ZBTB20: variants seen among roughly 807,000 people sequenced by gnomAD.
The protein encoded by ZBTB20 is zinc finger and BTB domain containing 20, also known as zinc finger and BTB domain-containing protein 20.
ZBTB20 carries 9 observed loss-of-function variants against 56.9 expected under a neutral mutation model. The observed-to-expected ratio is 0.16, with a 90% CI of 0.10 to 0.28. The LOEUF (loss-of-function observed/expected upper bound fraction) is 0.28. Among genes scored for constraint, ZBTB20 ranks in the 10% least tolerant of loss-of-function variants. ZBTB20 has a pLI of 1.00. For missense variants in ZBTB20, 655 were observed against 1,003.0 expected, an observed-to-expected ratio of 0.65 and a Z score of 4.69; for synonymous variants, 417 against 420.7, an observed-to-expected ratio of 0.99 and a Z score of 0.11.
intron 5 of ZBTB20, among the ~76,000 whole-genome samples, chr3:114,718,493 A>G (rs2064670156): frequency 6.6e-6 from 1 of 152,116 alleles, no homozygotes; most frequent in African/African-American, 2.4e-5. Flanking sequence ...GTACCTGAAC[A>G]CAGGGATTGC....
intron 6 of ZBTB20, among the ~76,000 whole-genome samples, chr3:114,531,639 G>A (rs1281541548): frequency 2.0e-5 from 3 of 152,158 alleles, no homozygotes; most frequent in African/African-American, 7.2e-5. Context: ...AGTTTTGCTT[G>A]CTGCTGGTCC....
chr3:114,590,940 T>C (rs2055698445), intron 6 of ZBTB20, among the ~76,000 whole-genome samples: 1 of 152,222 alleles, frequency 6.6e-6, no homozygotes, highest in African/African-American at 2.4e-5. Context: ...ATTAATAACC[T>C]ATCTCATTAT....
At chr3:114,498,677 G>C (rs530457849) in intron 7 of ZBTB20, among the ~76,000 whole-genome samples, 2 of 152,272 alleles carry the variant, frequency 1.3e-5, no homozygotes, top group African/African-American at 4.8e-5. Flanking sequence ...GCTCATTATA[G>C]GTCACTCCCC....
At chr3:114,795,161 C>G (rs1160787406) in intron 5 of ZBTB20, among the ~76,000 whole-genome samples, 1 of 152,034 alleles carries the variant, frequency 6.6e-6, no homozygotes, top group Non-Finnish European at 1.5e-5. Flanking sequence ...AATTATAAGA[C>G]CTCTATTTCA....
In ZBTB20 at chr3:114,315,161, G is replaced by A. The variant is rs1461337245; in HGVS notation, c.*23844C>T. The stretch of plus-strand genomic sequence containing the variant: ...TGTATATGTTGATGGATGGATGTGT[G>A]TTTTTGTGGATATATGGATTTATAC... On this transcript the variant is annotated 3_prime_UTR_variant, in exon 12 of 12. Coordinates refer to ENST00000675478, the MANE Select transcript of ZBTB20 (RefSeq NM_001348800.3). 2 of 152,176 alleles carry A rather than the reference G, an allele frequency of 1.3e-5. No individual in the cohort carries two copies. Among genetic ancestry groups the A allele is most frequent in the African/African-American group, 4.8e-5 (2 of 41,430 alleles). The allele number at this position is 152,176 out of a possible 1,614,324, so 9.4% of individuals were successfully genotyped here. A position where few individuals can be genotyped will look rare whatever the true frequency, so the allele number is the denominator to read the frequency against.
intron 6 of ZBTB20, among the ~76,000 whole-genome samples, chr3:114,507,747 T>A (rs2044805716): frequency 1.3e-5 from 2 of 152,280 alleles, no homozygotes; most frequent in East Asian, 3.9e-4. Context: ...TAACTCTGTA[T>A]GATTCTATAA....
At chr3:114,549,497 A>G (rs976419477) in intron 6 of ZBTB20, among the ~76,000 whole-genome samples, 1 of 152,092 alleles carries the variant, frequency 6.6e-6, no homozygotes, top group Non-Finnish European at 1.5e-5. Context: ...GTGACTCCTC[A>G]TATCTTGAAT....
At chr3:114,911,474 A>G (rs185740691) in intron 3 of ZBTB20, among the ~76,000 whole-genome samples, 1 of 152,156 alleles carries the variant, frequency 6.6e-6, no homozygotes, top group East Asian at 1.9e-4. Context: ...ATGATTTTCA[A>G]TAAGTCCAAT....
At chr3:114,891,578 T>G (rs2076807440) in intron 4 of ZBTB20, among the ~76,000 whole-genome samples, 1 of 152,212 alleles carries the variant, frequency 6.6e-6, no homozygotes, top group Non-Finnish European at 1.5e-5. Context: ...GAACCCATTT[T>G]AGAAAAACTT....
chr3:114,810,419 G>C (rs1426346684), intron 4 of ZBTB20, among the ~76,000 whole-genome samples: 1 of 152,102 alleles, frequency 6.6e-6, no homozygotes, highest in East Asian at 1.9e-4. Context: ...ACACCTAAGG[G>C]CATGGGGTTT....
intron 5 of ZBTB20, among the ~76,000 whole-genome samples, chr3:114,792,831 A>G (rs1209961704): frequency 6.6e-6 from 1 of 150,878 alleles, no homozygotes; most frequent in African/African-American, 2.4e-5. Flanking sequence ...AGTGCTAGCA[A>G]TTCATAAGTA....
chr3:114,771,916 A>T (rs530908161), intron 5 of ZBTB20, among the ~76,000 whole-genome samples: 1 of 152,276 alleles, frequency 6.6e-6, no homozygotes, highest in South Asian at 2.1e-4. Flanking sequence ...AGCCCATATT[A>T]CCAACCTATG....
At chr3:114,419,554 G>A (rs988687302) in intron 7 of ZBTB20, among the ~76,000 whole-genome samples, 2 of 152,012 alleles carry the variant, frequency 1.3e-5, no homozygotes, top group African/African-American at 4.8e-5. Flanking sequence ...AGAAAGATAG[G>A]GACCTGTACA....
At chr3:114,629,296 C>A (rs2058809273) in intron 6 of ZBTB20, among the ~76,000 whole-genome samples, 1 of 152,136 alleles carries the variant, frequency 6.6e-6, no homozygotes, top group African/African-American at 2.4e-5. Context: ...ATATAAAGTG[C>A]TGAGGATTTT....
intron 1 of ZBTB20, among the ~76,000 whole-genome samples, chr3:115,099,459 C>G (rs2083497390): frequency 6.6e-6 from 1 of 152,048 alleles, no homozygotes; most frequent in Non-Finnish European, 1.5e-5. Flanking sequence ...AGCCCATCTG[C>G]AAAATAAAAG....
At chr3:114,378,821 A>T (rs1345404615) in intron 10 of ZBTB20, 1 of 152,282 alleles carries the variant, frequency 6.6e-6, no homozygotes, top group Non-Finnish European at 1.5e-5. Context: ...CCAGGCAAGA[A>T]GGTCCAAGGA....
At position 114,634,743 on chromosome 3, in the gene ZBTB20, A is replaced by G. The variant is rs573710708; in HGVS notation, c.-295+58785T>C. 3.9e-5 allele frequency among the ~76,000 whole-genome samples: 6 copies of G among 152,310 alleles called. No homozygotes were observed. In the South Asian group the frequency reaches 1.2e-3, roughly 32 times the overall value. On this transcript the variant is annotated intron_variant, in intron 6 of 11. Transcript: ENST00000675478. Reference sequence around the variant, plus strand: ...ACTTCCCCCAGACTGGCTTAGCTCAACACTGAGAGGACTGCTTCAGCTCAT... The same window carrying G: ...ACTTCCCCCAGACTGGCTTAGCTCAGCACTGAGAGGACTGCTTCAGCTCAT...
intron 1 of ZBTB20, among the ~76,000 whole-genome samples, chr3:115,139,367 T>C (rs114373863): frequency 0.014 from 2,173 of 152,160 alleles, 29 homozygotes; most frequent in Non-Finnish European, 0.022. Flanking sequence ...TTTGAGGTTA[T>C]CATTAAAGAT....
At chr3:114,787,366 T>TATATATACACAC (rs1278656494) in intron 5 of ZBTB20, among the ~76,000 whole-genome samples, 34 of 82,908 alleles carry the variant, frequency 4.1e-4, no homozygotes, top group African/African-American at 1.6e-3. Flanking sequence ...TATATATATA[T>TATATATACACAC]ATACACACAC....
Sources: gnomAD v4.1 joint callset for allele counts (sites outside exome capture counted in the v4.1 genomes callset) on GRCh38, gnomAD v4.1.1 for gene constraint, MANE v1.5 for transcripts, NCBI Gene and HGNC (gene_info 2026-07-23, HGNC 2026-07-21) for gene names.